Variants in SVEP1 observed in about 807,000 individuals in gnomAD.
SVEP1 encodes the protein sushi, von Willebrand factor type A, EGF and pentraxin domain-containing protein 1.
Under a neutral mutation model 367.3 loss-of-function variants are expected in SVEP1, and 164 were observed. The ratio of observed to expected loss-of-function variants is 0.45; its 90% CI spans 0.39 to 0.51. The LOEUF (loss-of-function observed/expected upper bound fraction) is 0.51, where lower values mean the gene tolerates loss of function less well. Ranked by LOEUF, SVEP1 falls within the 20% of genes least tolerant of loss-of-function variation. The pLI is 0.00. For missense variants in SVEP1, 4,117 were observed against 4,425.3 expected, an observed-to-expected ratio of 0.93 and a Z score of 1.98; for synonymous variants, 1,666 against 1,611.6, an observed-to-expected ratio of 1.03 and a Z score of -0.81.
intron 1 of SVEP1, among the ~76,000 whole-genome samples, chr9:110,572,976 A>G (rs1270077893): frequency 6.6e-6 from 1 of 151,980 alleles, no homozygotes; most frequent in African/African-American, 2.4e-5. Context: ...TTCCTATATA[A>G]TACTAGGGAT....
At position 110,411,655 on chromosome 9, in the gene SVEP1, A is replaced by G; in HGVS notation, c.6056T>C (p.Val2019Ala). ...CACAATGGGTGGCTCATCACAGGAGACAGCCAGGCACTGCTGGTCACTTCT... is the reference window on the plus strand; with the variant it reads ...CACAATGGGTGGCTCATCACAGGAGGCAGCCAGGCACTGCTGGTCACTTCT... ...WSRSDQQCLA[V>A]SCDEPPIVDH... Residue 2019 changes from valine to alanine, a missense_variant, in exon 37 of 48, where the codon GTC becomes GCC. Val to Ala is a moderately conservative substitution (Grantham distance 64). This residue lies in a region of SVEP1 where 2,174 missense variants were observed against 2,494.3 expected (regional missense o/e 0.87). Coordinates refer to ENST00000374469, the MANE Select transcript of SVEP1 (RefSeq NM_153366.4). The G allele has an allele frequency of 1.2e-6, 2 of 1,609,122 alleles. No homozygotes were observed. The highest frequency in any genetic ancestry group is 8.5e-7 in the Non-Finnish European group (1 of 1,177,736).
At chr9:110,474,126 G>A (rs563516101) in intron 14 of SVEP1, among the ~76,000 whole-genome samples, 243 of 151,980 alleles carry the variant, frequency 1.6e-3, no homozygotes, top group African/African-American at 5.5e-3. Flanking sequence ...TCAGCCTCCC[G>A]AGTAGCTGGG....
At chr9:110,385,671 G>T (rs1827510183) in intron 43 of SVEP1, among the ~76,000 whole-genome samples, 1 of 143,942 alleles carries the variant, frequency 6.9e-6, no homozygotes, top group African/African-American at 2.8e-5. Context: ...AGCACATTTT[G>T]AAAATCTGTT....
intron 36 of SVEP1, among the ~76,000 whole-genome samples, chr9:110,423,180 AAAAG>A (rs1282546257): frequency 2.9e-5 from 4 of 140,316 alleles, no homozygotes; most frequent in Admixed American, 2.0e-4. Flanking sequence ...AAAAAAAAAA[AAAAG>A]AAAAAAAAAA....
chr9:110,537,457 A>G (rs1384007011), intron 3 of SVEP1, among the ~76,000 whole-genome samples: 1 of 152,000 alleles, frequency 6.6e-6, no homozygotes, highest in Non-Finnish European at 1.5e-5. Context: ...TCAGTCTAGT[A>G]GCACCTTTGG....
At chr9:110,458,386 G>T in intron 20 of SVEP1, 85 bp downstream of exon 20, 1 of 1,138,332 alleles carries the variant, frequency 8.8e-7, no homozygotes. Context: ...TTCAATCCTG[G>T]TCCTTTTCCT....
chr9:110,376,993 T>C (rs930141191), intron 45 of SVEP1: 9 of 305,982 alleles, frequency 2.9e-5, no homozygotes, highest in Non-Finnish European at 5.0e-5. Context: ...GCTTGGAGAC[T>C]TTACAACAAG....
rs1588102413 is a variant in SVEP1, at chr9:110,545,976, G to T, written c.964+139C>A. ...GATGGCAAATAAATGAGTCAGCACA[G>T]CTGAAGCCCCAAAGAGATGTGCCAC... is the stretch of plus-strand genomic sequence containing the variant. On this transcript the variant is annotated intron_variant, in intron 3 of 47. Transcript: ENST00000374469. 4.6e-6 allele frequency: 5 copies of T among 1,083,606 alleles called. No individual in the cohort carries two copies. The South Asian group carries it at 8.0e-5, about 17-fold the overall frequency. 67.1% of individuals were successfully genotyped at this position (1,083,606 alleles called of 1,614,324 possible). A position where few individuals can be genotyped will look rare whatever the true frequency, so the allele number is the denominator to read the frequency against.
At chr9:110,450,774 C>T (rs1026484500) in intron 23 of SVEP1, among the ~76,000 whole-genome samples, 4 of 151,798 alleles carry the variant, frequency 2.6e-5, no homozygotes, top group Non-Finnish European at 2.9e-5. Context: ...CATGCCCAGC[C>T]GATAATCTGC....
intron 30 of SVEP1, 120 bp from the exon 31 acceptor site, chr9:110,432,755 A>G: frequency 8.4e-7 from 1 of 1,183,530 alleles, no homozygotes; most frequent in Non-Finnish European, 1.2e-6. Context: ...CAAACATCAG[A>G]CTGAGGGTGT....
intron 16 of SVEP1, among the ~76,000 whole-genome samples, chr9:110,470,010 G>T (rs1588069039): frequency 6.6e-6 from 1 of 152,118 alleles, no homozygotes; most frequent in African/African-American, 2.4e-5. Context: ...GTGGAAGAAG[G>T]GCACAAGAAC....
chr9:110,497,062 C>T (rs1829461258), intron 7 of SVEP1, 129 bp from the exon 8 acceptor site: 3 of 577,380 alleles, frequency 5.2e-6, no homozygotes, highest in South Asian at 6.1e-5. Flanking sequence ...ACTGATTGTT[C>T]GGAATCTGCA....
intron 22 of SVEP1, among the ~76,000 whole-genome samples, chr9:110,453,397 C>G (rs973188397): frequency 6.6e-6 from 1 of 152,040 alleles, no homozygotes; most frequent in Non-Finnish European, 1.5e-5. Context: ...ATCACTGTTT[C>G]TGAACTATTT....
chr9:110,567,789 C>G (rs913607162), intron 1 of SVEP1, among the ~76,000 whole-genome samples: 2 of 152,216 alleles, frequency 1.3e-5, no homozygotes, highest in African/African-American at 4.8e-5. Context: ...ACAGAGGACC[C>G]TGCTGATGGC....
chr9:110,557,686 A>G (rs1424393774), intron 1 of SVEP1, among the ~76,000 whole-genome samples: 1 of 152,216 alleles, frequency 6.6e-6, no homozygotes, highest in African/African-American at 2.4e-5. Context: ...TCCAACAAAC[A>G]ATGAACAACT....
At chr9:110,486,562 T>C (rs1829280038) in intron 9 of SVEP1, among the ~76,000 whole-genome samples, 1 of 151,926 alleles carries the variant, frequency 6.6e-6, no homozygotes, top group African/African-American at 2.4e-5. Flanking sequence ...TCTGTCTGTC[T>C]CTCTCACTCC....
chr9:110,426,020 G>A (rs569203727), intron 36 of SVEP1, among the ~76,000 whole-genome samples: 23 of 152,110 alleles, frequency 1.5e-4, no homozygotes, highest in South Asian at 4.1e-4. Flanking sequence ...TATTTGCTAA[G>A]ATTTCACAAA....
intron 40 of SVEP1, among the ~76,000 whole-genome samples, chr9:110,395,968 C>T (rs1457385736): frequency 3.3e-5 from 5 of 151,090 alleles, no homozygotes; most frequent in Non-Finnish European, 5.9e-5. Flanking sequence ...AACAAGGATA[C>T]CCAGGAATTG....
chr9:110,383,543 C>T (rs1347429567), intron 43 of SVEP1, among the ~76,000 whole-genome samples: 18 of 51,546 alleles, frequency 3.5e-4, no homozygotes, highest in Admixed American at 5.5e-4. Flanking sequence ...GGGTCTCATC[C>T]GTGACCCCTG....
Sources: gnomAD v4.1 joint callset for allele counts (sites outside exome capture counted in the v4.1 genomes callset) on GRCh38, gnomAD v4.1.1 for gene constraint, gnomAD v4.1.1 regional missense constraint, MANE v1.5 for transcripts, NCBI Gene and HGNC (gene_info 2026-07-23, HGNC 2026-07-21) for gene names.